ORC5: variants seen among roughly 807,000 people sequenced by gnomAD.
The protein encoded by ORC5 is protein phosphatase 1, regulatory subunit 117.
Under a neutral mutation model 58.8 loss-of-function variants are expected in ORC5, and 39 were observed. That is an observed-to-expected ratio of 0.66 (90% confidence interval 0.51 to 0.87). ORC5 has a LOEUF of 0.87. Ranked by LOEUF, ORC5 falls within the 40% of genes least tolerant of loss-of-function variation. The pLI, the probability that ORC5 is intolerant of heterozygous loss-of-function variation, is 0.00. For synonymous variants in ORC5, 218 were observed against 177.6 expected (o/e 1.23, Z -1.81); for missense variants, 493 against 506.3 (o/e 0.97, Z 0.25).
In ORC5 at chr7:104,188,304, G is replaced by C. The variant is rs1440797940; in HGVS notation, c.631C>G (p.Leu211Val). The C allele has an allele frequency of 1.2e-6, 2 of 1,612,796 alleles. No homozygotes were observed. The highest frequency in any genetic ancestry group is 8.5e-7 in the Non-Finnish European group (1 of 1,179,310). The change falls in exon 6 of 14, where the codon CTT becomes GTT. Residue 211 changes from leucine to valine, a missense_variant. Leu to Val is a conservative substitution (Grantham distance 32). This residue lies in a region of ORC5 where 412 missense variants were observed against 403.7 expected (regional missense o/e 1.02). Coordinates refer to ENST00000297431, the MANE Select transcript of ORC5 (RefSeq NM_002553.4). The part of the protein sequence containing the change: ...ADFYAAYINI[L>V]LGVFYTVCRD... ...CAAACAGTGTAGAAAACTCCAAGAA[G>C]AATGTTAATGTAGGCAGCATAGAAA...
At chr7:104,179,789 A>G (rs1009543036) in intron 8 of ORC5, among the ~76,000 whole-genome samples, 4 of 152,172 alleles carry the variant, frequency 2.6e-5, no homozygotes, top group Admixed American at 6.5e-5. Flanking sequence ...TATATCTCAG[A>G]AGTTTAATGT....
At chr7:104,185,767 TA>T (rs1178168960) in intron 6 of ORC5, among the ~76,000 whole-genome samples, 1 of 152,032 alleles carries the variant, frequency 6.6e-6, no homozygotes, top group African/African-American at 2.4e-5. Context: ...GCAAACTGGT[TA>T]AAAACATACT....
intron 6 of ORC5, 34 bp downstream of exon 6, chr7:104,188,217 C>CACACAT (rs34389841): frequency 0.013 from 15,544 of 1,172,446 alleles, 59 homozygotes; most frequent in Middle Eastern, 0.025. Flanking sequence ...CACACACACA[C>CACACAT]ATATATATAT....
intron 8 of ORC5, among the ~76,000 whole-genome samples, chr7:104,168,912 T>C (rs939609406): frequency 9.2e-5 from 14 of 151,982 alleles, no homozygotes; most frequent in Non-Finnish European, 1.3e-4. Context: ...GGAAACCCCA[T>C]CTCTATTAAA....
At chr7:104,174,805 T>C (rs1178834857) in intron 8 of ORC5, among the ~76,000 whole-genome samples, 6 of 152,094 alleles carry the variant, frequency 3.9e-5, no homozygotes, top group Non-Finnish European at 8.8e-5. Context: ...TCCAGGGACA[T>C]TCCACTGGTA....
At chr7:104,166,405 G>A (rs1010833765) in intron 10 of ORC5, among the ~76,000 whole-genome samples, 1 of 152,222 alleles carries the variant, frequency 6.6e-6, no homozygotes, top group Middle Eastern at 3.2e-3. Context: ...TCCAACTAAT[G>A]TATGTACAGG....
chr7:104,177,034 C>A (rs77451087), intron 8 of ORC5, among the ~76,000 whole-genome samples: 6,794 of 152,268 alleles, frequency 0.045, 501 homozygotes, highest in African/African-American at 0.15. Context: ...CAGCAAAATA[C>A]CCACAACTTT....
intron 8 of ORC5, among the ~76,000 whole-genome samples, chr7:104,183,667 T>G (rs1456365556): frequency 3.3e-5 from 5 of 152,248 alleles, no homozygotes; most frequent in African/African-American, 4.8e-5. Context: ...TGTCCAGCTC[T>G]GAACTGGCGC....
At chr7:104,178,843 A>T (rs889168339) in intron 8 of ORC5, among the ~76,000 whole-genome samples, 1 of 152,150 alleles carries the variant, frequency 6.6e-6, no homozygotes, top group Non-Finnish European at 1.5e-5. Flanking sequence ...TCTGATTAAC[A>T]TATATAATTC....
At chr7:104,143,196 T>C (rs189720451) in intron 12 of ORC5, among the ~76,000 whole-genome samples, 3 of 152,314 alleles carry the variant, frequency 2.0e-5, no homozygotes, top group Admixed American at 2.0e-4. Flanking sequence ...TACCCTGTAC[T>C]TTGCCACTGA....
intron 12 of ORC5, among the ~76,000 whole-genome samples, chr7:104,158,635 TAAAC>T (rs1253499639): frequency 5.9e-5 from 9 of 151,460 alleles, no homozygotes; most frequent in African/African-American, 1.2e-4. Context: ...TACAAAAAAA[TAAAC>T]AAACAACCCC....
At chr7:104,174,432 G>A (rs1287904217) in intron 8 of ORC5, among the ~76,000 whole-genome samples, 1 of 152,192 alleles carries the variant, frequency 6.6e-6, no homozygotes, top group Non-Finnish European at 1.5e-5. Flanking sequence ...CTAAAGGCAT[G>A]CCAAAACAAT....
At chr7:104,172,661 T>A (rs946087868) in intron 8 of ORC5, among the ~76,000 whole-genome samples, 4 of 152,168 alleles carry the variant, frequency 2.6e-5, no homozygotes, top group Admixed American at 2.6e-4. Flanking sequence ...CTTCAATATT[T>A]ACAATAATTT....
chr7:104,194,781 A>G (rs577560529), intron 5 of ORC5, among the ~76,000 whole-genome samples: 1 of 152,150 alleles, frequency 6.6e-6, no homozygotes, highest in Non-Finnish European at 1.5e-5. Context: ...TGACTAAAAA[A>G]ATGAAGATAC....
At chr7:104,206,746 T>G (rs1029580810) in intron 1 of ORC5, among the ~76,000 whole-genome samples, 2 of 152,214 alleles carry the variant, frequency 1.3e-5, no homozygotes, top group Admixed American at 1.3e-4. Context: ...TATACAACAG[T>G]GATCTCATAA....
chr7:104,174,835 G>A (rs750918222), intron 8 of ORC5, among the ~76,000 whole-genome samples: 2 of 152,148 alleles, frequency 1.3e-5, no homozygotes, highest in South Asian at 4.1e-4. Context: ...TACCTCCAGT[G>A]AGCATGTGTA....
chr7:104,200,328 T>C (rs1178270368), intron 3 of ORC5, among the ~76,000 whole-genome samples: 1 of 152,242 alleles, frequency 6.6e-6, no homozygotes, highest in African/African-American at 2.4e-5. Flanking sequence ...TCTCCCGTCA[T>C]ACTTTATAAC....
chr7:104,141,866 G>T (rs1798679304), intron 12 of ORC5, among the ~76,000 whole-genome samples: 1 of 152,130 alleles, frequency 6.6e-6, no homozygotes, highest in African/African-American at 2.4e-5. Context: ...AGGACTGGAA[G>T]AATTATGATT....
intron 8 of ORC5, among the ~76,000 whole-genome samples, chr7:104,182,289 A>T (rs1799450512): frequency 1.3e-5 from 2 of 152,356 alleles, no homozygotes; most frequent in Middle Eastern, 3.4e-3. Flanking sequence ...AGAAGTTGAC[A>T]GTTTCATGAT....
Sources: allele counts gnomAD v4.1 joint callset (sites outside exome capture counted in the v4.1 genomes callset), GRCh38; gene constraint gnomAD v4.1.1; regional missense constraint gnomAD v4.1.1; transcripts MANE v1.5; gene names NCBI Gene and HGNC (gene_info 2026-07-23, HGNC 2026-07-21).